The following DDX60 variants were observed in gnomAD, a reference collection of about 807,000 sequenced individuals.
DDX60 encodes the protein DExD/H-box helicase 60.
Under a neutral mutation model 212.8 loss-of-function variants are expected in DDX60, and 165 were observed. The ratio of observed to expected loss-of-function variants is 0.78; its 90% confidence interval spans 0.68 to 0.88. The LOEUF (loss-of-function observed/expected upper bound fraction) is 0.88. DDX60 is among the 40% of genes least tolerant of loss of function. The probability of loss-of-function intolerance (pLI) is 0.00; values close to 1 mark genes in which losing one functional copy is unlikely to be tolerated. For synonymous variants in DDX60, 703 were observed against 685.3 expected (o/e 1.03, Z -0.40); for missense variants, 1,905 against 2,003.9 (o/e 0.95, Z 0.94).
At position 168,293,921 on chromosome 4, in the gene DDX60, T is replaced by A; in HGVS notation, c.748A>T (p.Thr250Ser). 1 of 1,613,252 alleles carries A rather than the reference T, an allele frequency of 6.2e-7. No homozygotes were observed. Among genetic ancestry groups the A allele is most frequent in the Non-Finnish European group, 8.5e-7 (1 of 1,179,810 alleles). ...EEAHKTVSLL[T>S]QVWPEGSDIR... ...TCAGATCCTTCTGGCCAGACTTGTG[T>A]AAGCAGAGATACAGTCTTGTGTGCC... Residue 250 changes from threonine (T) to serine (S), a missense_variant, in exon 7 of 38, where the codon ACA becomes TCA. Thr to Ser is a moderately conservative substitution (Grantham distance 58). Transcript: ENST00000393743.
In DDX60 at chr4:168,280,347, G is replaced by A. The variant is rs1053657896; in HGVS notation, c.1966C>T (p.Arg656Ter). Residue 656 changes from arginine to a stop codon, truncating the protein, a stop_gained, in exon 14 of 38, where the codon CGA becomes TGA. Transcript: ENST00000393743. LOFTEE classifies it high-confidence loss of function. ...ACLKAWKEHC[R>*]SEEGKTTKDL... is the part of the protein sequence containing the mutation. The stretch of plus-strand genomic sequence containing the variant: ...CAGAATTACATACCTTCTTCACTTC[G>A]GCAATGTTCTTTCCAGGCTTTCAAG... The A allele has an allele frequency of 5.0e-6, 8 of 1,610,556 alleles. No homozygotes were observed. Among genetic ancestry groups the A allele is most frequent in the Non-Finnish European group, 5.1e-6 (6 of 1,178,482 alleles).
At chr4:168,258,780 A>C (rs1023516343) in intron 25 of DDX60, among the ~76,000 whole-genome samples, 28 of 152,140 alleles carry the variant, frequency 1.8e-4, no homozygotes, top group Non-Finnish European at 8.8e-5. Flanking sequence ...ACTAGAAAAA[A>C]CAGCAGGGTC....
chr4:168,267,262 A>T (rs1379161413), intron 22 of DDX60, among the ~76,000 whole-genome samples: 2 of 152,214 alleles, frequency 1.3e-5, no homozygotes, highest in Non-Finnish European at 2.9e-5. Flanking sequence ...TTAGTGTCAG[A>T]GGGGTAGACA....
chr4:168,261,643 AAGAC>A (rs890529917), intron 24 of DDX60, among the ~76,000 whole-genome samples: 4 of 152,220 alleles, frequency 2.6e-5, no homozygotes, highest in Admixed American at 1.3e-4. Context: ...CAAGTCAAAA[AAGAC>A]AGAGGAGTAA....
At chr4:168,250,563 T>G (rs1258284956) in intron 28 of DDX60, among the ~76,000 whole-genome samples, 1 of 151,098 alleles carries the variant, frequency 6.6e-6, no homozygotes, top group African/African-American at 2.4e-5. Flanking sequence ...CTTGCTCTTG[T>G]CCCCCAGGCT....
intron 19 of DDX60, 151 bp downstream of exon 19, chr4:168,271,891 AT>A: frequency 1.6e-6 from 1 of 635,728 alleles, no homozygotes; most frequent in South Asian, 2.1e-5. Context: ...CAAAAAAGTG[AT>A]TTTTCCTGAA....
At chr4:168,280,636 C>A (rs559575621) in intron 13 of DDX60, 46 bp from the exon 14 acceptor site, 2 of 1,552,500 alleles carry the variant, frequency 1.3e-6, no homozygotes, top group African/African-American at 2.7e-5. Context: ...TGAAAATATT[C>A]CAAGATAACA....
upstream of DDX60, among the ~76,000 whole-genome samples, chr4:168,319,491 A>G (rs939204577): frequency 1.3e-5 from 2 of 152,214 alleles, no homozygotes; most frequent in Non-Finnish European, 2.9e-5. Flanking sequence ...GAAGCTGATG[A>G]TTACTGTTCT....
chr4:168,280,425 A>G lies in DDX60; in HGVS notation c.1888T>C (p.Cys630Arg). The G allele has an allele frequency of 6.2e-7, 1 of 1,614,218 alleles. No homozygotes were observed. The highest frequency in any genetic ancestry group is 8.5e-7 in the Non-Finnish European group (1 of 1,180,022). The change falls in exon 14 of 38, where the codon TGT becomes CGT. Residue 630 changes from cysteine to arginine, a missense_variant. Coordinates refer to ENST00000393743, the MANE Select transcript of DDX60 (RefSeq NM_017631.6). The part of the protein sequence containing the change: ...IKSLEDFLKS[C>R]KSSCVKLQVE... ...TGAAGTTTCACACAGCTACTTTTAC[A>G]GGATTTCAAAAAATCTTCCAGGCTC...
chr4:168,284,225 G>C (rs577606353), intron 12 of DDX60, among the ~76,000 whole-genome samples: 9 of 152,212 alleles, frequency 5.9e-5, no homozygotes, highest in African/African-American at 1.9e-4. Flanking sequence ...CCACACCTTG[G>C]TCATTATTTA....
intron 25 of DDX60, among the ~76,000 whole-genome samples, chr4:168,258,819 T>A (rs1376091823): frequency 6.6e-6 from 1 of 152,136 alleles, no homozygotes; most frequent in African/African-American, 2.4e-5. Context: ...TTCTTTCTTT[T>A]TCTTAAAAGT....
In DDX60 at chr4:168,260,988, G is replaced by A; in HGVS notation, c.3275C>T (p.Ala1092Val). Residue 1092 changes from alanine (A) to valine (V), a missense_variant and splice_region_variant, in exon 25 of 38, where the codon GCC (alanine) becomes GTC (valine). Coordinates refer to ENST00000393743, the MANE Select transcript of DDX60 (RefSeq NM_017631.6). ...ACTAAGATTCTGAAGTACCATTCTG[G>A]CCTGTAGTGGTGAATACAAAACAAT... ...SWIKNGNVEQ[A>V]RMVLQNLSPE... 6.2e-7 allele frequency: 1 copy of A among 1,606,252 alleles called. No homozygotes were observed. The highest frequency in any genetic ancestry group is 8.5e-7 in the Non-Finnish European group (1 of 1,177,956).
Position 168,283,915 on chromosome 4 carries a change from G to C in DDX60, c.1562-309C>G, listed in dbSNP as rs1022812683. ...GAATTAGTTTAAGAAGAAGGTAGAG[G>C]CAGAGTGAAGAAGACAACCATCTAA... is the stretch of plus-strand genomic sequence containing the variant. On this transcript the variant is annotated intron_variant, in intron 12 of 37. Transcript: ENST00000393743. Among the ~76,000 whole-genome samples the C allele has an allele frequency of 2.6e-5, 4 of 152,106 alleles. No homozygotes were observed. The South Asian group carries it at 8.3e-4, about 32-fold the overall frequency.
chr4:168,241,771 C>G (rs932132037), intron 30 of DDX60, among the ~76,000 whole-genome samples: 1 of 152,112 alleles, frequency 6.6e-6, no homozygotes. Context: ...ATCCCATTTT[C>G]TGAGGAGAAA....
chr4:168,247,679 C>T (rs1215458766), intron 29 of DDX60, among the ~76,000 whole-genome samples: 7 of 152,036 alleles, frequency 4.6e-5, no homozygotes, highest in South Asian at 2.1e-4. Flanking sequence ...TAAGAACGTA[C>T]GATGAAAGAT....
Position 168,231,256 on chromosome 4 carries a change from C to T in DDX60, c.4533+4996G>A, listed in dbSNP as rs368976179. Among the ~76,000 whole-genome samples the T allele has an allele frequency of 3.4e-4, 51 of 151,978 alleles. No homozygotes were observed. The East Asian group carries it at 5.6e-3, about 17-fold the overall frequency. ...AAAAGTCCAAAACTATATGGATTCA[C>T]GACTGAATTCTATCAGGCATTCAAA... On this transcript the variant is annotated intron_variant, in intron 33 of 37. Transcript: ENST00000393743.
intron 29 of DDX60, among the ~76,000 whole-genome samples, chr4:168,247,537 A>C (rs3805398): frequency 0.058 from 8,856 of 152,256 alleles, 446 homozygotes; most frequent in East Asian, 0.15. Flanking sequence ...TCTAAATTTG[A>C]TTCTGCGAGC....
chr4:168,273,221 A>C, intron 18 of DDX60, 58 bp downstream of exon 18: 1 of 1,492,480 alleles, frequency 6.7e-7, no homozygotes, highest in South Asian at 1.3e-5. Context: ...CTAGTCAAAG[A>C]GACATACAAG....
intron 25 of DDX60, among the ~76,000 whole-genome samples, chr4:168,256,958 C>G (rs1177032709): frequency 6.6e-6 from 1 of 152,254 alleles, no homozygotes; most frequent in African/African-American, 2.4e-5. Context: ...AATTTTAAAA[C>G]TGAGAGTCTA....
Sources: allele counts gnomAD v4.1 joint callset (sites outside exome capture counted in the v4.1 genomes callset), GRCh38; gene constraint gnomAD v4.1.1; transcripts MANE v1.5; gene names NCBI Gene and HGNC (gene_info 2026-07-23, HGNC 2026-07-21).